The following ZNF497 variants were observed in gnomAD, a reference collection of about 807,000 sequenced individuals.
The protein encoded by ZNF497 is zinc finger protein 497.
For synonymous variants in ZNF497, 422 were observed against 313.7 expected, an observed-to-expected ratio of 1.35 and a Z score of -3.65; for missense variants, 930 against 714.0, an observed-to-expected ratio of 1.30 and a Z score of -3.45.
At chr19:58,361,461 A>G (rs1442567210) in intron 1 of ZNF497, among the ~76,000 whole-genome samples, 1 of 151,996 alleles carries the variant, frequency 6.6e-6, no homozygotes, top group African/African-American at 2.4e-5. Context: ...GGTACAAGCG[A>G]TTCTCCTGCC....
Position 58,355,850 on chromosome 19 carries a change from T to C in ZNF497, c.*289A>G. 2.6e-6 allele frequency: 1 copy of C among 390,452 alleles called. No individual in the cohort carries two copies. Among genetic ancestry groups the C allele is most frequent in the Non-Finnish European group, 4.6e-6 (1 of 218,938 alleles). 24.2% of individuals were successfully genotyped at this position (390,452 alleles called of 1,614,324 possible). ...TAGCCACACCTGTCGGAGACCCCAGTTCTTGCCCACCTCTGCATGGACGAA... is the reference window on the plus strand; with the variant it reads ...TAGCCACACCTGTCGGAGACCCCAGCTCTTGCCCACCTCTGCATGGACGAA... On this transcript the variant is annotated 3_prime_UTR_variant, in exon 3 of 3. Transcript: ENST00000311044.
At position 58,356,269 on chromosome 19, in the gene ZNF497, T is replaced by A. The variant is rs772527092; in HGVS notation, c.1367A>T (p.Glu456Val). The part of the protein sequence containing the change: ...HCSKAFVRKS[E>V]LLSHRRTHTG... ...GTGCGTGCGCCGGTGGCTTAAGAGC[T>A]CCGACTTGCGCACGAAGGCCTTGCT... The change falls in exon 3 of 3, where the codon GAG (glutamate) becomes GTG (valine). Residue 456 changes from glutamate (E) to valine (V), a missense_variant. Physicochemically the swap from Glu to Val is moderately radical, Grantham distance 121. Coordinates refer to ENST00000311044, the MANE Select transcript of ZNF497 (RefSeq NM_198458.3). 6.2e-7 allele frequency: 1 copy of A among 1,600,182 alleles called. No individual in the cohort carries two copies. The highest frequency in any genetic ancestry group is 8.5e-7 in the Non-Finnish European group (1 of 1,174,396).
chr19:58,358,265 G>C (rs749869060), intron 2 of ZNF497: 37 of 1,289,810 alleles, frequency 2.9e-5, no homozygotes, highest in African/African-American at 1.5e-4. Flanking sequence ...CAAGGCATGG[G>C]GTGGCTGTGC....
At position 58,360,172 on chromosome 19, in the gene ZNF497, G is replaced by A. The variant is rs1599915356; in HGVS notation, c.-111-1587C>T. 1.3e-5 allele frequency among the ~76,000 whole-genome samples: 2 copies of A among 152,194 alleles called. 1 individual carries two copies. Among genetic ancestry groups the A allele is most frequent in the South Asian group, 4.1e-4 (2 of 4,836 alleles). On this transcript the variant is annotated intron_variant, in intron 1 of 2. Transcript: ENST00000311044. ...CGGTTGCCAGGATCTGCAGGGAAGA[G>A]AGAAATGGGAGATACAGCCGTGGGA...
rs776368399 is a variant in ZNF497, at chr19:58,356,370, G to T, written c.1266C>A (p.Ala422=). The change falls in exon 3 of 3, where the codon GCC becomes GCA. Residue 422 remains alanine (A), a synonymous_variant. Transcript: ENST00000311044. ...GGCGCAGCTCGGAGCTGCCGCGGAA[G>T]GCCTTGCCGCATTCTGCGCAGGCGA... is the stretch of plus-strand genomic sequence containing the variant. ...RPFACAECGK[A]FRGSSELRQH... is the part of the protein sequence containing the mutation. 1 of 1,566,020 alleles carries T rather than the reference G, an allele frequency of 6.4e-7. No individual in the cohort carries two copies. The highest frequency in any genetic ancestry group is 1.2e-5 in the South Asian group (1 of 86,280).
chr19:58,359,097 G>A, intron 1 of ZNF497: 1 of 944,716 alleles, frequency 1.1e-6, no homozygotes, highest in Non-Finnish European at 1.5e-6. Flanking sequence ...TGGCAACACA[G>A]CTCACGCAGC....
At chr19:58,360,764 A>ACT in intron 1 of ZNF497, among the ~76,000 whole-genome samples, 2 of 102,546 alleles carry the variant, frequency 2.0e-5, no homozygotes, top group African/African-American at 7.8e-5. Context: ...CTGGTCCCGA[A>ACT]CTCTTTTTTT....
Position 58,358,553 on chromosome 19 carries a change from G to T in ZNF497, c.-79C>A, listed in dbSNP as rs1206784231. The T allele has an allele frequency of 3.4e-6, 4 of 1,189,106 alleles. No homozygotes were observed. The highest frequency in any genetic ancestry group is 4.2e-6 in the Non-Finnish European group (4 of 941,720). The allele number at this position is 1,189,106 out of a possible 1,614,324, so 73.7% of individuals were successfully genotyped here. The stretch of plus-strand genomic sequence containing the variant: ...GCTCCTCTCCCTCCTCTGTCCTGGG[G>T]ACCAGCTCCTCTTGGGGCCTGGGGG... On this transcript the variant is annotated 5_prime_UTR_variant, in exon 2 of 3. Coordinates refer to ENST00000311044, the MANE Select transcript of ZNF497 (RefSeq NM_198458.3).
chr19:58,359,159 A>T (rs1470139839), intron 1 of ZNF497: 1 of 1,285,950 alleles, frequency 7.8e-7, no homozygotes, highest in South Asian at 1.2e-5. Context: ...GAACCCCCAG[A>T]AGCACTGGCC....
rs1332641811 is a variant in ZNF497, at chr19:58,357,173, T to A, written c.463A>T (p.Ile155Phe). 6.2e-7 allele frequency: 1 copy of A among 1,612,766 alleles called. No individual in the cohort carries two copies. The change falls in exon 3 of 3, where the codon ATC (isoleucine) becomes TTC (phenylalanine). Residue 155 changes from isoleucine (I) to phenylalanine (F), a missense_variant. Physicochemically the swap from Ile to Phe is conservative, Grantham distance 21. Transcript: ENST00000311044. ...GCGTAGGGCTTCTCGCCGCTGTGGATGCGCTGGTGCTGGCTGAGGTTGGAG... is the reference window on the plus strand; with the variant it reads ...GCGTAGGGCTTCTCGCCGCTGTGGAAGCGCTGGTGCTGGCTGAGGTTGGAG... Reference protein sequence around the residue: ...WSSNLSQHQRIHSGEKPYACR... With the variant: ...WSSNLSQHQRFHSGEKPYACR...
In ZNF497 at chr19:58,358,579, C is replaced by T; in HGVS notation, c.-105G>A. 1 of 1,188,212 alleles carries T rather than the reference C, an allele frequency of 8.4e-7. No homozygotes were observed. Among genetic ancestry groups the T allele is most frequent in the Non-Finnish European group, 1.1e-6 (1 of 940,124 alleles). The allele number at this position is 1,188,212 out of a possible 1,614,324, so 73.6% of individuals were successfully genotyped here. A position where few individuals can be genotyped will look rare whatever the true frequency, so the allele number is the denominator to read the frequency against. On this transcript the variant is annotated 5_prime_UTR_variant, in exon 2 of 3. Coordinates refer to ENST00000311044, the MANE Select transcript of ZNF497 (RefSeq NM_198458.3). ...ACCAGCTCCTCTTGGGGCCTGGGGGCTGGCACCTGGGGACAGGAAGGCAGC... is the reference window on the plus strand; with the variant it reads ...ACCAGCTCCTCTTGGGGCCTGGGGGTTGGCACCTGGGGACAGGAAGGCAGC...
rs982113835 is a variant in ZNF497, at chr19:58,359,053, C to G, written c.-111-468G>C. On this transcript the variant is annotated intron_variant, in intron 1 of 2. Transcript: ENST00000311044. ...GCTCCAGCACCAAGAGCTCCAGCAT[C>G]TGCTCCTTGGAGCAGGCCTCAGGCA... 1.0e-5 allele frequency: 6 copies of G among 588,152 alleles called. No individual in the cohort carries two copies. The African/African-American group carries it at 1.1e-4, about 11-fold the overall frequency. 36.4% of individuals were successfully genotyped at this position (588,152 alleles called of 1,614,324 possible).
At chr19:58,361,167 C>G (rs975155470) in intron 1 of ZNF497, among the ~76,000 whole-genome samples, 3 of 152,164 alleles carry the variant, frequency 2.0e-5, no homozygotes, top group Admixed American at 6.5e-5. Flanking sequence ...CGAGACACCT[C>G]GCCCAGCCTA....
rs35839865 is a variant in ZNF497 at position 58,356,886 on chromosome 19, G to A, written c.750C>T (p.Asp250=). The change falls in exon 3 of 3, where the codon GAC becomes GAT. Residue 250 remains aspartate (D), a synonymous_variant. Transcript: ENST00000311044. Reference sequence around the variant, plus strand: ...AGCTCTGGCTGAAGGCCTTGCCACAGTCCCGGCAGGCGTGCGGCCGCGCGC... The same window carrying A: ...AGCTCTGGCTGAAGGCCTTGCCACAATCCCGGCAGGCGTGCGGCCGCGCGC... ...HTGARPHACR[D]CGKAFSQSSN... is the part of the protein sequence containing the mutation. The A allele has an allele frequency of 1.1e-4, 172 of 1,585,746 alleles. No homozygotes were observed. The highest frequency in any genetic ancestry group is 1.4e-4 in the Non-Finnish European group (164 of 1,171,724).
At chr19:58,359,668 G>A (rs911060926) in intron 1 of ZNF497, 1 of 329,356 alleles carries the variant, frequency 3.0e-6, no homozygotes, top group Non-Finnish European at 6.0e-6. Flanking sequence ...TCCCCTCCAG[G>A]AAGTGTTTTA....
rs777283216 is a variant in ZNF497 at position 58,357,636 on chromosome 19, C to A, written c.-1G>T. 3 of 1,520,188 alleles carry A rather than the reference C, an allele frequency of 2.0e-6. No homozygotes were observed. The South Asian group carries it at 3.9e-5, about 20-fold the overall frequency. The allele number at this position is 1,520,188 out of a possible 1,614,324, so 94.2% of individuals were successfully genotyped here. A position where few individuals can be genotyped will look rare whatever the true frequency, so the allele number is the denominator to read the frequency against. On this transcript the variant is annotated 5_prime_UTR_variant, in exon 3 of 3. Coordinates refer to ENST00000311044, the MANE Select transcript of ZNF497 (RefSeq NM_198458.3). ...GGGTCCACCCTCTTGGGGACTCCAT[C>A]TCGCGCCTGTGACCTAAAACAGGAG...
At position 58,357,424 on chromosome 19, in the gene ZNF497, C is replaced by A; in HGVS notation, c.212G>T (p.Gly71Val). 1.3e-6 allele frequency: 2 copies of A among 1,599,746 alleles called. No homozygotes were observed. Among genetic ancestry groups the A allele is most frequent in the Non-Finnish European group, 1.7e-6 (2 of 1,173,556 alleles). Reference sequence around the variant, plus strand: ...ACCGTCTGCGGGGCCCAGCTCCCTGCCGGGGCCTCCCTGTTCGTCCGCCGC... The same window carrying A: ...ACCGTCTGCGGGGCCCAGCTCCCTGACGGGGCCTCCCTGTTCGTCCGCCGC... ...LGAADEQGGP[G>V]RELGPADGGR... Residue 71 changes from glycine to valine, a missense_variant, in exon 3 of 3, where the codon GGC (glycine) becomes GTC (valine). Transcript: ENST00000311044.
Position 58,357,302 on chromosome 19 carries a change from C to A in ZNF497, c.334G>T (p.Gly112Cys). The A allele has an allele frequency of 6.2e-7, 1 of 1,609,306 alleles. No homozygotes were observed. Among genetic ancestry groups the A allele is most frequent in the Non-Finnish European group, 8.5e-7 (1 of 1,178,250 alleles). The change falls in exon 3 of 3, where the codon GGC becomes TGC. Residue 112 changes from glycine (G) to cysteine (C), a missense_variant. Coordinates refer to ENST00000311044, the MANE Select transcript of ZNF497 (RefSeq NM_198458.3). The part of the protein sequence containing the change: ...EEPGCRCGEC[G>C]KAFSQGSYLL... ...TAAGAGCCCTGGCTGAACGCCTTGCCGCACTCCCCGCACCGGCAGCCCGGC... is the reference window on the plus strand; with the variant it reads ...TAAGAGCCCTGGCTGAACGCCTTGCAGCACTCCCCGCACCGGCAGCCCGGC...
Position 58,356,357 on chromosome 19 carries a change from A to T in ZNF497, c.1279T>A (p.Ser427Thr). 2 of 1,566,440 alleles carry T rather than the reference A, an allele frequency of 1.3e-6. No individual in the cohort carries two copies. Among genetic ancestry groups the T allele is most frequent in the South Asian group, 2.3e-5 (2 of 86,268 alleles). The change falls in exon 3 of 3, where the codon TCC (serine) becomes ACC (threonine). Residue 427 changes from serine (S) to threonine (T), a missense_variant. By Grantham distance (58) the Ser-to-Thr change is moderately conservative. Transcript: ENST00000311044. Reference sequence around the variant, plus strand: ...AGGCGCTGGTGCTGGCGCAGCTCGGAGCTGCCGCGGAAGGCCTTGCCGCAT... The same window carrying T: ...AGGCGCTGGTGCTGGCGCAGCTCGGTGCTGCCGCGGAAGGCCTTGCCGCAT... ...AECGKAFRGS[S>T]ELRQHQRLHS...
Sources: gnomAD v4.1 joint callset for allele counts (sites outside exome capture counted in the v4.1 genomes callset) on GRCh38, gnomAD v4.1.1 for gene constraint, MANE v1.5 for transcripts, NCBI Gene and HGNC (gene_info 2026-07-23, HGNC 2026-07-21) for gene names.